Variants in OTUD7A observed in about 807,000 individuals in gnomAD.
The protein encoded by OTUD7A is OTU deubiquitinase 7A.
OTUD7A carries 12 observed loss-of-function variants against 65.7 expected under a neutral mutation model. The ratio of observed to expected loss-of-function variants is 0.18; its 90% CI spans 0.12 to 0.30. The LOEUF (loss-of-function observed/expected upper bound fraction) is 0.30. Among genes scored for constraint, OTUD7A ranks in the 10% least tolerant of loss-of-function variants. OTUD7A has a pLI of 1.00. For synonymous variants in OTUD7A, 641 were observed against 586.3 expected, an observed-to-expected ratio of 1.09 and a Z score of -1.35; for missense variants, 1,148 against 1,304.8, an observed-to-expected ratio of 0.88 and a Z score of 1.85.
rs142503166 is a variant in OTUD7A at position 31,764,118 on chromosome 15, T to C, written c.-100+106389A>G. Among the ~76,000 whole-genome samples the C allele has an allele frequency of 1.1e-4, 16 of 152,302 alleles. No individual in the cohort carries two copies. The East Asian group carries it at 2.7e-3, about 26-fold the overall frequency. On this transcript the variant is annotated intron_variant, in intron 1 of 12. Coordinates refer to ENST00000307050, the MANE Select transcript of OTUD7A (RefSeq NM_001382637.1). ...AGAAATGGTACATATATGGATAATA[T>C]AATAGATTCTTCTCATAATTTTTTT...
At chr15:31,849,348 A>C (rs1897364360) in intron 1 of OTUD7A, among the ~76,000 whole-genome samples, 1 of 152,250 alleles carries the variant, frequency 6.6e-6, no homozygotes, top group Non-Finnish European at 1.5e-5. Flanking sequence ...CTGGCTAGCC[A>C]TATGTAGAAA....
At chr15:31,860,677 G>GTGTGTATATATATATATGTATATA (rs560896384) in intron 1 of OTUD7A, among the ~76,000 whole-genome samples, 1 of 73,284 alleles carries the variant, frequency 1.4e-5, no homozygotes, top group African/African-American at 4.6e-5. Flanking sequence ...ATGTATGTGT[G>GTGTGTATATATATATATGTATATA]TATATATATA....
At chr15:31,529,277 G>C (rs1238015147) in intron 6 of OTUD7A, among the ~76,000 whole-genome samples, 1 of 152,204 alleles carries the variant, frequency 6.6e-6, no homozygotes, top group Non-Finnish European at 1.5e-5. Flanking sequence ...CAGGGGAATA[G>C]TTAATGTTAT....
rs751513672 is a variant in OTUD7A, at chr15:31,839,187, G to A, written c.-100+31320C>T. ...CCATGCTGGGGAAAGGGGCACCCTC[G>A]TCCTGGCCAGCAGTGGCCCCAGGCT... On this transcript the variant is annotated intron_variant, in intron 1 of 12. Coordinates refer to ENST00000307050, the MANE Select transcript of OTUD7A (RefSeq NM_001382637.1). Among the ~76,000 whole-genome samples the A allele has an allele frequency of 5.3e-5, 8 of 152,210 alleles. No individual in the cohort carries two copies. In the South Asian group the frequency reaches 6.2e-4, roughly 12 times the overall value.
At position 31,821,133 on chromosome 15, in the gene OTUD7A, C is replaced by CTTTT. The variant is rs35732957; in HGVS notation, c.-100+49370_-100+49373dup. 2.6e-3 allele frequency among the ~76,000 whole-genome samples: 251 copies of CTTTT among 97,428 alleles called. 2 individuals carry two copies. The highest frequency in any genetic ancestry group is 3.3e-3 in the Non-Finnish European group (169 of 50,914). 63.9% of individuals were successfully genotyped at this position (97,428 alleles called of 152,430 possible). Reference sequence around the variant, plus strand: ...TGTGGCATAAATCAGTTTTTCATTTCTTTTTTTTTTTTTTTTTTTTTGAGA... The same window carrying CTTTT: ...TGTGGCATAAATCAGTTTTTCATTTCTTTTTTTTTTTTTTTTTTTTTTTTTGAGA... On this transcript the variant is annotated intron_variant, in intron 1 of 12. Transcript: ENST00000307050.
intron 1 of OTUD7A, among the ~76,000 whole-genome samples, chr15:31,672,330 G>A (rs1892502952): frequency 6.6e-6 from 1 of 151,906 alleles, no homozygotes; most frequent in Non-Finnish European, 1.5e-5. Flanking sequence ...TCTCTATATG[G>A]TTTAATTTTG....
chr15:31,656,583 T>C (rs1290850864), intron 2 of OTUD7A, among the ~76,000 whole-genome samples: 9 of 152,220 alleles, frequency 5.9e-5, no homozygotes, highest in Non-Finnish European at 1.0e-4. Flanking sequence ...AGGAAGTATG[T>C]AATTAATTTT....
At chr15:31,587,533 C>T (rs1383185551) in intron 3 of OTUD7A, among the ~76,000 whole-genome samples, 5 of 150,802 alleles carry the variant, frequency 3.3e-5, no homozygotes, top group East Asian at 1.9e-4. Flanking sequence ...CCCAGCTACT[C>T]GGGAGGCTGA....
intron 1 of OTUD7A, among the ~76,000 whole-genome samples, chr15:31,662,822 T>G (rs1892202422): frequency 6.6e-6 from 1 of 152,204 alleles, no homozygotes; most frequent in Non-Finnish European, 1.5e-5. Context: ...CTAATCTCTT[T>G]TACAGATGAA....
At chr15:31,800,307 G>T (rs994177484) in intron 1 of OTUD7A, among the ~76,000 whole-genome samples, 7 of 152,130 alleles carry the variant, frequency 4.6e-5, no homozygotes, top group Non-Finnish European at 1.0e-4. Flanking sequence ...CGGGAGGCCT[G>T]TACTCTTGTA....
intron 3 of OTUD7A, among the ~76,000 whole-genome samples, chr15:31,592,230 T>C (rs1340487138): frequency 1.3e-5 from 2 of 151,078 alleles, no homozygotes; most frequent in Non-Finnish European, 2.9e-5. Flanking sequence ...AACAATACAT[T>C]AAACTTAGCT....
rs549198818 is a variant in OTUD7A, at chr15:31,618,752, T to C, written c.151+36344A>G. Among the ~76,000 whole-genome samples, 281 of 152,370 alleles carry C rather than the reference T, an allele frequency of 1.8e-3. 2 individuals are homozygous for C. In the Middle Eastern group the frequency reaches 0.031, roughly 17 times the overall value. On this transcript the variant is annotated intron_variant, in intron 3 of 12. Coordinates refer to ENST00000307050, the MANE Select transcript of OTUD7A (RefSeq NM_001382637.1). ...CCTGTTCACTCTGATGGTAGTTTCT[T>C]TTGCTGTGCAGAAGCCCTTTAGTTT...
At chr15:31,680,589 C>A (rs920927518) in intron 1 of OTUD7A, among the ~76,000 whole-genome samples, 1 of 152,064 alleles carries the variant, frequency 6.6e-6, no homozygotes, top group Non-Finnish European at 1.5e-5. Context: ...GCTCAGGACC[C>A]GGGAGGGAAG....
At chr15:31,773,910 C>T (rs944833343) in intron 1 of OTUD7A, among the ~76,000 whole-genome samples, 2 of 152,154 alleles carry the variant, frequency 1.3e-5, no homozygotes, top group African/African-American at 4.8e-5. Flanking sequence ...AATCTGTTGA[C>T]CAGCACCTTT....
chr15:31,836,975 G>C (rs969447354), intron 1 of OTUD7A, among the ~76,000 whole-genome samples: 1 of 152,098 alleles, frequency 6.6e-6, no homozygotes, highest in Admixed American at 6.6e-5. Flanking sequence ...CATAGTACTA[G>C]AAGTTCTAGC....
intron 1 of OTUD7A, among the ~76,000 whole-genome samples, chr15:31,862,734 C>A (rs1259348044): frequency 6.6e-6 from 1 of 152,150 alleles, no homozygotes; most frequent in Non-Finnish European, 1.5e-5. Flanking sequence ...TGGGTGAGGA[C>A]ACAGCCAAAC....
At chr15:31,609,823 C>T (rs983053819) in intron 3 of OTUD7A, among the ~76,000 whole-genome samples, 5 of 151,970 alleles carry the variant, frequency 3.3e-5, no homozygotes, top group Non-Finnish European at 5.9e-5. Flanking sequence ...TCCATTTCAC[C>T]CCCCTGCCAC....
intron 8 of OTUD7A, among the ~76,000 whole-genome samples, chr15:31,525,153 G>A (rs1239584337): frequency 6.6e-6 from 1 of 152,190 alleles, no homozygotes. Context: ...CCTCCCTGTG[G>A]CAGGAGGGAG....
chr15:31,772,112 C>T (rs1895251533), intron 1 of OTUD7A, among the ~76,000 whole-genome samples: 1 of 115,168 alleles, frequency 8.7e-6, no homozygotes, highest in East Asian at 2.7e-4. Context: ...ATTAGCCGGG[C>T]GTAGTGGCGG....
Sources: allele counts gnomAD v4.1 joint callset (sites outside exome capture counted in the v4.1 genomes callset), GRCh38; gene constraint gnomAD v4.1.1; transcripts MANE v1.5; gene names NCBI Gene and HGNC (gene_info 2026-07-23, HGNC 2026-07-21).